The following ABCC1 variants were observed in gnomAD, a reference collection of about 807,000 sequenced individuals.
ABCC1 encodes the protein ATP binding cassette subfamily C member 1 (ABCC1 blood group).
In ABCC1, 83 loss-of-function variants were observed where a neutral mutation model predicts 172.9. The observed-to-expected ratio is 0.48, with a 90% CI of 0.40 to 0.58. ABCC1 has a LOEUF of 0.58. ABCC1 is among the 20% of genes least tolerant of loss of function. The probability of loss-of-function intolerance (pLI) is 0.00; values close to 1 mark genes in which losing one functional copy is unlikely to be tolerated. For missense variants in ABCC1, 1,817 were observed against 2,002.7 expected (o/e 0.91, Z 1.77); for synonymous variants, 937 against 825.2 (o/e 1.14, Z -2.32).
intron 1 of ABCC1, among the ~76,000 whole-genome samples, chr16:15,955,306 C>T (rs1174264134): frequency 1.3e-5 from 2 of 152,016 alleles, no homozygotes; most frequent in South Asian, 2.1e-4. Context: ...TGCAGTGAGC[C>T]GAGAGTTCGC....
At chr16:15,971,996 T>C (rs970696029) in intron 1 of ABCC1, among the ~76,000 whole-genome samples, 2 of 152,172 alleles carry the variant, frequency 1.3e-5, no homozygotes, top group Non-Finnish European at 2.9e-5. Context: ...GAGTTGATTT[T>C]ATAAATAAAA....
intron 1 of ABCC1, among the ~76,000 whole-genome samples, chr16:15,960,966 C>A (rs2046113797): frequency 6.6e-6 from 1 of 150,406 alleles, no homozygotes; most frequent in Non-Finnish European, 1.5e-5. Flanking sequence ...GAAGCAAGAA[C>A]CTTCTGATCT....
chr16:16,055,747 T>G (rs764292468), intron 11 of ABCC1, among the ~76,000 whole-genome samples: 4 of 151,794 alleles, frequency 2.6e-5, no homozygotes, highest in African/African-American at 9.7e-5. Context: ...GGTTTTTTTT[T>G]TCTTGATAGC....
At chr16:16,024,129 G>A (rs556190113) in intron 5 of ABCC1, among the ~76,000 whole-genome samples, 1 of 152,278 alleles carries the variant, frequency 6.6e-6, no homozygotes, top group East Asian at 1.9e-4. Flanking sequence ...TCAGGCAGGA[G>A]AATTGCTTGA....
At chr16:16,103,472 C>T (rs975059671) in intron 20 of ABCC1, among the ~76,000 whole-genome samples, 11 of 151,000 alleles carry the variant, frequency 7.3e-5, no homozygotes, top group Non-Finnish European at 1.5e-4. Flanking sequence ...CCCAGCTACT[C>T]GGGAGGCTGA....
chr16:16,022,896 C>T (rs2048240788), intron 5 of ABCC1, among the ~76,000 whole-genome samples: 1 of 149,406 alleles, frequency 6.7e-6, no homozygotes, highest in Non-Finnish European at 1.5e-5. Context: ...AATCAGCCAG[C>T]CAACCGGCTA....
chr16:15,984,300 T>C (rs1404900205), intron 1 of ABCC1, among the ~76,000 whole-genome samples: 1 of 152,220 alleles, frequency 6.6e-6, no homozygotes, highest in Non-Finnish European at 1.5e-5. Context: ...ATATTTGGTA[T>C]GTTACCTCTG....
chr16:16,086,846 A>C lies in ABCC1; in HGVS notation c.2315A>C (p.Gln772Pro), dbSNP rs2051027685. The change falls in exon 18 of 31, where the codon CAG becomes CCG. Residue 772 changes from glutamine (Q) to proline (P), a missense_variant. Transcript: ENST00000399410. Reference protein sequence around the residue: ...GEKGVNLSGGQKQRVSLARAV... With the variant: ...GEKGVNLSGGPKQRVSLARAV... ...CAGGGCGTGAACCTGTCTGGGGGCC[A>C]GAAGCAGCGCGTGAGCCTGGCCCGG... 1 of 1,614,056 alleles carries C rather than the reference A, an allele frequency of 6.2e-7. No individual in the cohort carries two copies. Among genetic ancestry groups the C allele is most frequent in the Non-Finnish European group, 8.5e-7 (1 of 1,180,040 alleles).
At chr16:15,981,192 C>T (rs766472438) in intron 1 of ABCC1, among the ~76,000 whole-genome samples, 16 of 152,326 alleles carry the variant, frequency 1.1e-4, no homozygotes, top group African/African-American at 2.6e-4. Context: ...TGTGAGTCTG[C>T]GGCTTTTCCA....
intron 1 of ABCC1, among the ~76,000 whole-genome samples, chr16:15,973,501 A>G (rs1400372099): frequency 6.6e-6 from 1 of 152,098 alleles, no homozygotes; most frequent in Non-Finnish European, 1.5e-5. Flanking sequence ...CCTGGCATGG[A>G]CGCAATCCAC....
intron 4 of ABCC1, among the ~76,000 whole-genome samples, chr16:16,016,149 GT>G (rs71137903): frequency 0.26 from 21,837 of 83,616 alleles, 1,475 homozygotes; most frequent in Middle Eastern, 0.45. Context: ...TGTGATCTTG[GT>G]TTTTTTTTTT....
At chr16:15,995,457 T>C (rs538132593) in intron 1 of ABCC1, among the ~76,000 whole-genome samples, 1 of 152,328 alleles carries the variant, frequency 6.6e-6, no homozygotes, top group Non-Finnish European at 1.5e-5. Context: ...CCCACCATTA[T>C]GCTTCACCCA....
intron 1 of ABCC1, among the ~76,000 whole-genome samples, chr16:15,965,062 TG>T (rs2046214472): frequency 6.6e-6 from 1 of 152,204 alleles, no homozygotes; most frequent in African/African-American, 2.4e-5. Flanking sequence ...TATTAACATT[TG>T]AGTCTTGTTC....
rs556279171 is a variant in ABCC1, at chr16:15,961,572, C to A, written c.48+11773C>A. ...TGATGATAGTTTCTTGGGTGTTTTT[C>A]GAGAAAAGTTTCAAGTATATGCAAA... On this transcript the variant is annotated intron_variant, in intron 1 of 30. Transcript: ENST00000399410. Among the ~76,000 whole-genome samples the A allele has an allele frequency of 1.2e-4, 19 of 152,130 alleles. No individual in the cohort carries two copies. In the South Asian group the frequency reaches 3.5e-3, roughly 28 times the overall value.
intron 19 of ABCC1, among the ~76,000 whole-genome samples, chr16:16,096,347 C>G (rs983172270): frequency 3.9e-5 from 6 of 152,140 alleles, no homozygotes; most frequent in African/African-American, 1.2e-4. Context: ...CCTTCCTAGG[C>G]CTTCTCCCTT....
chr16:16,141,199 T>A lies in ABCC1; in HGVS notation c.4514T>A (p.Ile1505Asn). Residue 1505 changes from isoleucine (I) to asparagine (N), a missense_variant, in exon 31 of 31, where the codon ATC becomes AAC. Ile to Asn is a moderately radical substitution (Grantham distance 149, BLOSUM62 -3). Transcript: ENST00000399410. Reference protein sequence around the residue: ...TRVIVLDKGEIQEYGAPSDLL... With the variant: ...TRVIVLDKGENQEYGAPSDLL... ...GTGATCGTCTTGGACAAAGGAGAAA[T>A]CCAGGAGTACGGCGCCCCATCGGAC... 6.2e-7 allele frequency: 1 copy of A among 1,613,700 alleles called. No individual in the cohort carries two copies. The highest frequency in any genetic ancestry group is 8.5e-7 in the Non-Finnish European group (1 of 1,179,904).
intron 23 of ABCC1, among the ~76,000 whole-genome samples, chr16:16,116,422 T>C (rs1251596391): frequency 6.6e-6 from 1 of 152,132 alleles, no homozygotes; most frequent in Non-Finnish European, 1.5e-5. Context: ...TATCCTGTTT[T>C]TTTCTGTACA....
intron 27 of ABCC1, among the ~76,000 whole-genome samples, chr16:16,133,757 C>G (rs1319313926): frequency 6.6e-6 from 1 of 152,142 alleles, no homozygotes; most frequent in African/African-American, 2.4e-5. Context: ...TGCACGCATG[C>G]TGCTCTGTGA....
chr16:16,078,592 C>G (rs1328073011), intron 15 of ABCC1, among the ~76,000 whole-genome samples: 1 of 152,198 alleles, frequency 6.6e-6, no homozygotes. Flanking sequence ...CCTGGTTACA[C>G]CCTGTGCCTT....
Sources: allele counts gnomAD v4.1 joint callset (sites outside exome capture counted in the v4.1 genomes callset), GRCh38; gene constraint gnomAD v4.1.1; transcripts MANE v1.5; gene names NCBI Gene and HGNC (gene_info 2026-07-23, HGNC 2026-07-21).